The following MYO16 variants were observed in gnomAD, a reference collection of about 807,000 sequenced individuals.
The protein encoded by MYO16 is myosin XVI.
MYO16 carries 94 observed loss-of-function variants against 205.3 expected under a neutral mutation model. The ratio of observed to expected loss-of-function variants is 0.46; its 90% CI spans 0.39 to 0.54. The LOEUF is 0.54. Ranked by LOEUF, MYO16 falls within the 20% of genes least tolerant of loss-of-function variation. MYO16 has a pLI of 0.00. For missense variants in MYO16, 2,315 were observed against 2,387.5 expected, an observed-to-expected ratio of 0.97 and a Z score of 0.63; for synonymous variants, 988 against 954.0, an observed-to-expected ratio of 1.04 and a Z score of -0.66.
At chr13:109,091,377 T>C (rs1487983083) in intron 27 of MYO16, among the ~76,000 whole-genome samples, 4 of 152,260 alleles carry the variant, frequency 2.6e-5, no homozygotes, top group Admixed American at 6.5e-5. Context: ...GCAAGCTTAA[T>C]CGGTTTTCCC....
In MYO16 at chr13:109,125,429, GC is replaced by G; in HGVS notation, c.3782+74del. On this transcript the variant is annotated intron_variant, in intron 30 of 34. Coordinates refer to ENST00000457511, the MANE Select transcript of MYO16 (RefSeq NM_001198950.3). The surrounding 1 kb of genome is among the most constrained non-coding windows in gnomAD (Gnocchi z 4.0). ...CAGTGGAGTCATGAAAATTCAAATA[GC>G]CCTTAATGCAGAGTTCAATCAAATA... The G allele has an allele frequency of 6.4e-7, 1 of 1,569,428 alleles. No individual in the cohort carries two copies. The highest frequency in any genetic ancestry group is 1.4e-5 in the African/African-American group (1 of 73,502).
chr13:108,652,037 G>A (rs773739892), intron 1 of MYO16, among the ~76,000 whole-genome samples: 11 of 149,746 alleles, frequency 7.3e-5, no homozygotes, highest in Admixed American at 1.3e-4. Context: ...TTGTTTCATC[G>A]TCATTGTATA....
At chr13:108,566,830 A>C in the MYO16 span, among the ~76,000 whole-genome samples, 1 of 152,072 alleles carries the variant, frequency 6.6e-6, no homozygotes, top group Non-Finnish European at 1.5e-5. Context: ...TTGATAAGTA[A>C]GTAGGTGATA....
In MYO16 at chr13:108,827,899, A is replaced by C. The variant is rs562063106; in HGVS notation, c.1097+4621A>C. Among the ~76,000 whole-genome samples the C allele has an allele frequency of 5.8e-4, 88 of 152,288 alleles. 1 individual carries two copies. The highest frequency in any genetic ancestry group is 1.2e-3 in the Non-Finnish European group (79 of 68,010). On this transcript the variant is annotated intron_variant, in intron 9 of 34. Coordinates refer to ENST00000457511, the MANE Select transcript of MYO16 (RefSeq NM_001198950.3). Reference sequence around the variant, plus strand: ...GCAGTTTGGATATGTGCCAACTTGCATCTCTAATATTCTAGTTCATGGAGC... The same window carrying C: ...GCAGTTTGGATATGTGCCAACTTGCCTCTCTAATATTCTAGTTCATGGAGC...
intron 7 of MYO16, among the ~76,000 whole-genome samples, chr13:108,816,749 C>G (rs1875635024): frequency 6.6e-6 from 1 of 152,212 alleles, no homozygotes; most frequent in Admixed American, 6.5e-5. Flanking sequence ...TGCCTGTCCG[C>G]TGAGCCAGTG....
chr13:108,751,047 A>C (rs1885220507), intron 4 of MYO16, among the ~76,000 whole-genome samples: 1 of 134,004 alleles, frequency 7.5e-6, no homozygotes, highest in South Asian at 2.3e-4. Flanking sequence ...GTATAAATAT[A>C]TATATATGTG....
chr13:108,838,690 T>TATATATACACAC (rs1487944143), intron 9 of MYO16, among the ~76,000 whole-genome samples: 1 of 135,906 alleles, frequency 7.4e-6, no homozygotes, highest in African/African-American at 2.8e-5. Flanking sequence ...TATATATATA[T>TATATATACACAC]ACACACACAC....
the MYO16 span, among the ~76,000 whole-genome samples, chr13:108,565,597 T>C: frequency 6.6e-6 from 1 of 152,196 alleles, no homozygotes; most frequent in Non-Finnish European, 1.5e-5. Context: ...TTAGGTGTTT[T>C]CAAATGTCAG....
Position 109,019,877 on chromosome 13 carries a change from G to A in MYO16, c.2762G>A (p.Gly921Asp), listed in dbSNP as rs760975129. The A allele has an allele frequency of 1.9e-6, 3 of 1,614,124 alleles. No homozygotes were observed. The highest frequency in any genetic ancestry group is 2.5e-6 in the Non-Finnish European group (3 of 1,180,014). ...GGGAATGTTGCCCTCAAAGACCACGGTACAGCCTTCACCATCATGCACTAC... is the reference window on the plus strand; with the variant it reads ...GGGAATGTTGCCCTCAAAGACCACGATACAGCCTTCACCATCATGCACTAC... ...GNGNVALKDHGTAFTIMHYAG... is the reference protein window; with the variant it reads ...GNGNVALKDHDTAFTIMHYAG... Residue 921 changes from glycine (G) to aspartate (D), a missense_variant, in exon 23 of 35, where the codon GGT becomes GAT. By Grantham distance (94) the Gly-to-Asp change is moderately conservative. This residue lies in a region of MYO16 where 1,213 missense variants were observed against 1,274.4 expected (regional missense o/e 0.95). Transcript: ENST00000457511.
chr13:109,076,664 T>G (rs1888117048), intron 27 of MYO16, among the ~76,000 whole-genome samples: 1 of 152,096 alleles, frequency 6.6e-6, no homozygotes, highest in Non-Finnish European at 1.5e-5. Flanking sequence ...AGTAGAACCT[T>G]CCTCTTCCAT....
chr13:109,080,655 G>T (rs927106086), intron 27 of MYO16, among the ~76,000 whole-genome samples: 2 of 151,842 alleles, frequency 1.3e-5, no homozygotes, highest in Non-Finnish European at 2.9e-5. Context: ...GGAGTTAGCA[G>T]GAAATCCTCC....
intron 27 of MYO16, among the ~76,000 whole-genome samples, chr13:109,095,605 A>T (rs1450839807): frequency 6.6e-6 from 1 of 152,256 alleles, no homozygotes; most frequent in South Asian, 2.1e-4. Flanking sequence ...ATGAGAAAAA[A>T]GCATCAGGTG....
At chr13:108,832,505 G>C (rs1876675760) in intron 9 of MYO16, among the ~76,000 whole-genome samples, 1 of 152,016 alleles carries the variant, frequency 6.6e-6, no homozygotes, top group Non-Finnish European at 1.5e-5. Context: ...CTCATAACTA[G>C]AGTGGCCATA....
chr13:108,724,372 T>C (rs1000652632), intron 3 of MYO16, among the ~76,000 whole-genome samples: 3 of 152,202 alleles, frequency 2.0e-5, no homozygotes, highest in Non-Finnish European at 2.9e-5. Context: ...AACATGCTTG[T>C]CATCTTCCTG....
Position 109,207,843 on chromosome 13 carries a change from C to T in MYO16, c.*1007C>T, listed in dbSNP as rs1339932264. ...ATTCCCTCACTGTATATCCTCAACC[C>T]TCCCATAATGCAAGGCCTTGTTCAT... On this transcript the variant is annotated 3_prime_UTR_variant, in exon 35 of 35. Transcript: ENST00000457511. 3.3e-5 allele frequency: 5 copies of T among 152,240 alleles called. No homozygotes were observed. The highest frequency in any genetic ancestry group is 1.2e-4 in the African/African-American group (5 of 41,448). 9.4% of individuals were successfully genotyped at this position (152,240 alleles called of 1,614,324 possible).
At chr13:108,838,544 T>C (rs1877054173) in intron 9 of MYO16, among the ~76,000 whole-genome samples, 1 of 149,912 alleles carries the variant, frequency 6.7e-6, no homozygotes, top group South Asian at 2.1e-4. Context: ...GGTTCATGCC[T>C]GTAGTCCCAG....
chr13:108,999,404 A>G (rs1292225823), intron 21 of MYO16, among the ~76,000 whole-genome samples: 1 of 152,222 alleles, frequency 6.6e-6, no homozygotes, highest in African/African-American at 2.4e-5. Flanking sequence ...TATTTTTAAA[A>G]ATTTGAACAA....
chr13:108,582,524 C>T, the MYO16 span, among the ~76,000 whole-genome samples: 1 of 152,218 alleles, frequency 6.6e-6, no homozygotes, highest in African/African-American at 2.4e-5. Context: ...AGAAAGATAT[C>T]TAAGCAGAGT....
At chr13:109,110,384 G>GT (rs1210668953) in intron 28 of MYO16, among the ~76,000 whole-genome samples, 1 of 152,166 alleles carries the variant, frequency 6.6e-6, no homozygotes, top group Non-Finnish European at 1.5e-5. Context: ...GCTCAAAATA[G>GT]TAACTTTTAT....
Sources: allele counts gnomAD v4.1 joint callset (sites outside exome capture counted in the v4.1 genomes callset), GRCh38; gene constraint gnomAD v4.1.1; regional missense constraint gnomAD v4.1.1; non-coding constraint Gnocchi (gnomAD v3.1); transcripts MANE v1.5; gene names NCBI Gene and HGNC (gene_info 2026-07-23, HGNC 2026-07-21).